Variants in BASP1 observed in about 807,000 individuals in gnomAD.
The protein encoded by BASP1 is brain abundant membrane attached signal protein 1.
Under a neutral mutation model 2.2 loss-of-function variants are expected in BASP1, and 1 was observed. That is an observed-to-expected ratio of 0.46 (90% CI 0.16 to 2.17). The LOEUF (loss-of-function observed/expected upper bound fraction) is 2.17, where lower values mean the gene tolerates loss of function less well. Ranked by LOEUF, BASP1 falls within the 30% of genes most tolerant of loss-of-function variation. BASP1 has a pLI of 0.27. For missense variants in BASP1, 352 were observed against 327.2 expected (o/e 1.08, Z -0.58); for synonymous variants, 187 against 154.2 (o/e 1.21, Z -1.58).
Position 17,240,305 on chromosome 5 carries a change from T to C in BASP1, c.-10+22495T>C, listed in dbSNP as rs298544. Among the ~76,000 whole-genome samples, 407 of 152,148 alleles carry C rather than the reference T, an allele frequency of 2.7e-3. 4 individuals are homozygous for C. Among genetic ancestry groups the C allele is most frequent in the African/African-American group, 9.5e-3 (395 of 41,528 alleles). On this transcript the variant is annotated intron_variant, in intron 1 of 1. Transcript: ENST00000322611. ...ATCCCAGCACTTTGGTAGGCCGATG[T>C]AGGCAGATCACCTGAGGTCAGAAGT...
intron 1 of BASP1, among the ~76,000 whole-genome samples, chr5:17,246,429 G>A (rs779834765): frequency 3.9e-5 from 6 of 152,040 alleles, no homozygotes; most frequent in East Asian, 1.9e-4. Flanking sequence ...CAGAGGTTGC[G>A]GTGAGCCGAG....
Position 17,275,402 on chromosome 5 carries a change from C to A in BASP1, c.186C>A (p.Ala62=), listed in dbSNP as rs978993068. 1.3e-6 allele frequency: 2 copies of A among 1,576,106 alleles called. No homozygotes were observed. Among genetic ancestry groups the A allele is most frequent in the East Asian group, 4.6e-5 (2 of 43,062 alleles). Residue 62 remains alanine, a synonymous_variant, in exon 2 of 2, where the codon GCC becomes GCA. Transcript: ENST00000322611. This position sits in a 1 kb window ranked among gnomAD's most constrained non-coding sequence, Gnocchi z 5.3. ...KEGKEKPDQD[A]EGKAEEKEGE... is the part of the protein sequence containing the mutation. Reference sequence around the variant, plus strand: ...GCAAGGAGAAGCCCGACCAGGACGCCGAGGGCAAGGCCGAGGAGAAGGAGG... The same window carrying A: ...GCAAGGAGAAGCCCGACCAGGACGCAGAGGGCAAGGCCGAGGAGAAGGAGG...
At chr5:17,271,805 G>A (rs1740534471) in intron 1 of BASP1, among the ~76,000 whole-genome samples, 2 of 152,110 alleles carry the variant, frequency 1.3e-5, no homozygotes, top group Middle Eastern at 3.4e-3. Context: ...GGTGGCTCAC[G>A]CCTGTAATCC....
intron 1 of BASP1, among the ~76,000 whole-genome samples, chr5:17,221,249 C>T (rs1176243022): frequency 3.3e-5 from 5 of 152,112 alleles, no homozygotes; most frequent in Non-Finnish European, 2.9e-5. Flanking sequence ...CGTTCATCCA[C>T]AGGCTTAAAA....
intron 1 of BASP1, among the ~76,000 whole-genome samples, chr5:17,235,234 C>G (rs1739717050): frequency 2.6e-5 from 4 of 151,370 alleles, no homozygotes; most frequent in African/African-American, 9.7e-5. Context: ...GGAAGAATTG[C>G]TGTTGCTCCC....
chr5:17,245,490 T>C (rs987247077), intron 1 of BASP1, among the ~76,000 whole-genome samples: 2 of 152,182 alleles, frequency 1.3e-5, no homozygotes, highest in South Asian at 4.1e-4. Context: ...AAATATATGA[T>C]ATTATTGTAT....
intron 1 of BASP1, among the ~76,000 whole-genome samples, chr5:17,253,415 G>A (rs924268843): frequency 2.6e-5 from 4 of 152,130 alleles, no homozygotes; most frequent in African/African-American, 9.7e-5. Context: ...GTCTCACTAT[G>A]TTTCCCAGGC....
chr5:17,275,098 G>A lies in BASP1; in HGVS notation c.-9-110G>A. On this transcript the variant is annotated intron_variant, in intron 1 of 1. Transcript: ENST00000322611. This position sits in a 1 kb window ranked among gnomAD's most constrained non-coding sequence, Gnocchi z 5.3. ...TAGTTTACCATGCCACCCCTTTGGG[G>A]TGTGCAGTGCAGCAGGCCCAGAACC... 1 of 905,828 alleles carries A rather than the reference G, an allele frequency of 1.1e-6. No homozygotes were observed. Among genetic ancestry groups the A allele is most frequent in the Non-Finnish European group, 1.7e-6 (1 of 583,644 alleles). The allele number at this position is 905,828 out of a possible 1,614,324, so 56.1% of individuals were successfully genotyped here.
chr5:17,247,764 C>T (rs573958424), intron 1 of BASP1, among the ~76,000 whole-genome samples: 2 of 152,234 alleles, frequency 1.3e-5, no homozygotes, highest in South Asian at 4.1e-4. Context: ...CGTGTGCTGG[C>T]GCTTCGTATG....
intron 1 of BASP1, among the ~76,000 whole-genome samples, chr5:17,270,292 A>G (rs298596): frequency 1.3e-5 from 2 of 151,940 alleles, no homozygotes; most frequent in African/African-American, 4.8e-5. Flanking sequence ...GAGCCACCAC[A>G]CACAGCCCCC....
chr5:17,237,852 C>G (rs950417286), intron 1 of BASP1, among the ~76,000 whole-genome samples: 1 of 152,054 alleles, frequency 6.6e-6, no homozygotes, highest in East Asian at 1.9e-4. Flanking sequence ...CTCAAGTGAT[C>G]CACCCACGTC....
At position 17,245,883 on chromosome 5, in the gene BASP1, T is replaced by A. The variant is rs1739975713; in HGVS notation, c.-10+28073T>A. ...CAAGTCTGTATAATGCCTGAGCTTG[T>A]GTGCTGGCTTTCATGGAGTCAAAAT... On this transcript the variant is annotated intron_variant, in intron 1 of 1. Coordinates refer to ENST00000322611, the MANE Select transcript of BASP1 (RefSeq NM_006317.5). Among the ~76,000 whole-genome samples the A allele has an allele frequency of 2.6e-5, 4 of 152,110 alleles. No individual in the cohort carries two copies. The South Asian group carries it at 8.3e-4, about 32-fold the overall frequency.
chr5:17,251,995 G>T lies in BASP1; in HGVS notation c.-9-23213G>T, dbSNP rs1740110226. Among the ~76,000 whole-genome samples, 1 of 152,130 alleles carries T rather than the reference G, an allele frequency of 6.6e-6. No homozygotes were observed. The highest frequency in any genetic ancestry group is 1.5e-5 in the Non-Finnish European group (1 of 68,028). The stretch of plus-strand genomic sequence containing the variant: ...GAGGGCTTTCAAAACCCTTCAACTG[G>T]ATGGGTCTCCCAGCAAGTGCACCAA... On this transcript the variant is annotated intron_variant, in intron 1 of 1. Transcript: ENST00000322611. The surrounding 1 kb of genome is among the most constrained non-coding windows in gnomAD (Gnocchi z 4.0).
rs769161753 is a variant in BASP1, at chr5:17,275,591, C to CGCCGCG, written c.379_384dup (p.Ala127_Ala128dup). 1.2e-4 allele frequency: 167 copies of CGCCGCG among 1,402,004 alleles called. 2 individuals are homozygous for CGCCGCG. The South Asian group carries it at 1.9e-3, about 16-fold the overall frequency. 86.8% of individuals were successfully genotyped at this position (1,402,004 alleles called of 1,614,324 possible). A position where few individuals can be genotyped will look rare whatever the true frequency, so the allele number is the denominator to read the frequency against. ...GCGAGGCCCCCAAAGCTGCTGAGGC[C>CGCCGCG]GCCGCGGCCCCGGCCGAGAGCGCGG... On this transcript the variant is annotated inframe_insertion, in exon 2 of 2. Transcript: ENST00000322611. The surrounding 1 kb of genome is among the most constrained non-coding windows in gnomAD (Gnocchi z 5.3).
chr5:17,236,562 G>A lies in BASP1; in HGVS notation c.-10+18752G>A, dbSNP rs1328058767. On this transcript the variant is annotated intron_variant, in intron 1 of 1. Coordinates refer to ENST00000322611, the MANE Select transcript of BASP1 (RefSeq NM_006317.5). This position sits in a 1 kb window ranked among gnomAD's most constrained non-coding sequence, Gnocchi z 4.0. ...TTACAGGCGTGAGCCACCGCGCTCGGCCGAGAGCTAGTTTCCTGATTGATA... is the reference window on the plus strand; with the variant it reads ...TTACAGGCGTGAGCCACCGCGCTCGACCGAGAGCTAGTTTCCTGATTGATA... 1.3e-5 allele frequency among the ~76,000 whole-genome samples: 2 copies of A among 152,168 alleles called. No individual in the cohort carries two copies. Among genetic ancestry groups the A allele is most frequent in the South Asian group, 2.1e-4 (1 of 4,836 alleles).
Position 17,236,781 on chromosome 5 carries a change from T to C in BASP1, c.-10+18971T>C, listed in dbSNP as rs1048969966. Among the ~76,000 whole-genome samples, 1 of 152,174 alleles carries C rather than the reference T, an allele frequency of 6.6e-6. No homozygotes were observed. The highest frequency in any genetic ancestry group is 1.5e-5 in the Non-Finnish European group (1 of 68,032). ...TGAGTGGTTCAAATATGGTGAGCAA[T>C]GCACTCTTAACTAGACCCATATCTT... On this transcript the variant is annotated intron_variant, in intron 1 of 1. Coordinates refer to ENST00000322611, the MANE Select transcript of BASP1 (RefSeq NM_006317.5). This position sits in a 1 kb window ranked among gnomAD's most constrained non-coding sequence, Gnocchi z 4.0.
chr5:17,269,217 C>T (rs1349029519), intron 1 of BASP1, among the ~76,000 whole-genome samples: 4 of 152,270 alleles, frequency 2.6e-5, no homozygotes, highest in South Asian at 4.1e-4. Context: ...GTTTCATGAA[C>T]GTTCATAAAT....
At chr5:17,257,895 A>T (rs868734756) in intron 1 of BASP1, among the ~76,000 whole-genome samples, 6 of 152,160 alleles carry the variant, frequency 3.9e-5, no homozygotes, top group African/African-American at 1.4e-4. Flanking sequence ...GCCAAACAGC[A>T]CCGTTCCTGT....
At chr5:17,273,881 G>A (rs1206404292) in intron 1 of BASP1, among the ~76,000 whole-genome samples, 3 of 152,016 alleles carry the variant, frequency 2.0e-5, no homozygotes, top group Non-Finnish European at 4.4e-5. Context: ...TTTCTGCCAC[G>A]CTTCATCCAG....
Sources: allele counts gnomAD v4.1 joint callset (sites outside exome capture counted in the v4.1 genomes callset), GRCh38; gene constraint gnomAD v4.1.1; non-coding constraint Gnocchi (gnomAD v3.1); transcripts MANE v1.5; gene names NCBI Gene and HGNC (gene_info 2026-07-23, HGNC 2026-07-21).